AGFG1: variants seen among roughly 807,000 people sequenced by gnomAD.
AGFG1 encodes the protein ArfGAP with FG repeats 1, also known as arf-GAP domain and FG repeat-containing protein 1.
A neutral mutation model predicts 60.6 loss-of-function variants in AGFG1; 10 were observed. The ratio of observed to expected loss-of-function variants is 0.16; its 90% CI spans 0.10 to 0.28. The LOEUF (loss-of-function observed/expected upper bound fraction) is 0.28, where lower values mean the gene tolerates loss of function less well. AGFG1 is among the 10% of genes least tolerant of loss of function. The pLI, the probability that AGFG1 is intolerant of heterozygous loss-of-function variation, is 1.00. For missense variants in AGFG1, 537 were observed against 676.5 expected (o/e 0.79, Z 2.29); for synonymous variants, 247 against 242.9 (o/e 1.02, Z -0.16).
intron 10 of AGFG1, among the ~76,000 whole-genome samples, chr2:227,551,575 GTTATT>G (rs1227151957): frequency 6.6e-6 from 1 of 152,046 alleles, no homozygotes; most frequent in Admixed American, 6.5e-5. Flanking sequence ...AATTTTGGCT[GTTATT>G]TTACTGCATA....
intron 2 of AGFG1, among the ~76,000 whole-genome samples, chr2:227,500,754 ATATC>A (rs375928754): frequency 1.8e-4 from 28 of 152,220 alleles, no homozygotes; most frequent in African/African-American, 6.0e-4. Context: ...AAACTGCAAT[ATATC>A]TATCTTTTTT....
intron 2 of AGFG1, among the ~76,000 whole-genome samples, chr2:227,519,440 C>A (rs1355963595): frequency 6.6e-6 from 1 of 152,088 alleles, no homozygotes; most frequent in African/African-American, 2.4e-5. Flanking sequence ...CTCAGATTCT[C>A]ATTTTTTAGC....
At chr2:227,538,117 A>G (rs913782388) in intron 10 of AGFG1, among the ~76,000 whole-genome samples, 3 of 152,184 alleles carry the variant, frequency 2.0e-5, no homozygotes, top group Admixed American at 2.0e-4. Context: ...GGTGTGTGAT[A>G]TGTGCAGTGT....
At chr2:227,490,740 C>T (rs1690787669) in intron 1 of AGFG1, among the ~76,000 whole-genome samples, 1 of 152,100 alleles carries the variant, frequency 6.6e-6, no homozygotes, top group Non-Finnish European at 1.5e-5. Flanking sequence ...GGTGGACCTG[C>T]CCACAAGATA....
chr2:227,472,712 C>T (rs1690132425), intron 1 of AGFG1, 124 bp downstream of exon 1: 2 of 1,109,510 alleles, frequency 1.8e-6, no homozygotes, highest in African/African-American at 1.7e-5. Context: ...TCGGGGGCGG[C>T]CGTTGGGCGC....
chr2:227,553,946 A>G, intron 12 of AGFG1, 151 bp downstream of exon 12: 1 of 589,844 alleles, frequency 1.7e-6, no homozygotes, highest in Non-Finnish European at 2.9e-6. Context: ...CAGAGCCATT[A>G]TGTGTGATCC....
chr2:227,472,246 C>T lies in AGFG1; in HGVS notation c.-176C>T. On this transcript the variant is annotated 5_prime_UTR_variant, in exon 1 of 13. Transcript: ENST00000310078. Reference sequence around the variant, plus strand: ...TGGCCCGTCAGCCCGCGTACCACAGCGCCCGGGCCGCGTCGAGCCCAGTAC... The same window carrying T: ...TGGCCCGTCAGCCCGCGTACCACAGTGCCCGGGCCGCGTCGAGCCCAGTAC... 4.8e-6 allele frequency: 1 copy of T among 209,024 alleles called. No individual in the cohort carries two copies. The highest frequency in any genetic ancestry group is 8.4e-6 in the Non-Finnish European group (1 of 119,758). 12.9% of individuals were successfully genotyped at this position (209,024 alleles called of 1,614,324 possible). A position where few individuals can be genotyped will look rare whatever the true frequency, so the allele number is the denominator to read the frequency against.
At chr2:227,514,667 AG>A (rs1289998332) in intron 2 of AGFG1, among the ~76,000 whole-genome samples, 1 of 152,240 alleles carries the variant, frequency 6.6e-6, no homozygotes, top group Admixed American at 6.5e-5. Context: ...AAACTCATGC[AG>A]TCTGATTCCC....
intron 2 of AGFG1, among the ~76,000 whole-genome samples, chr2:227,506,726 G>T (rs1691325027): frequency 6.7e-6 from 1 of 150,358 alleles, no homozygotes; most frequent in South Asian, 2.1e-4. Flanking sequence ...TGCCACTACT[G>T]GTGGAAATCT....
chr2:227,533,684 A>G lies in AGFG1; in HGVS notation c.950A>G (p.Asn317Ser). The G allele has an allele frequency of 6.2e-7, 1 of 1,613,874 alleles. No homozygotes were observed. The highest frequency in any genetic ancestry group is 8.5e-7 in the Non-Finnish European group (1 of 1,179,842). Reference sequence around the variant, plus strand: ...TCAGCTGTTAGTAAAGTTTCAACGAACAAAGCTGGTTTACAGACTGCAGAC... The same window carrying G: ...TCAGCTGTTAGTAAAGTTTCAACGAGCAAAGCTGGTTTACAGACTGCAGAC... Reference protein sequence around the residue: ...TASAVSKVSTNKAGLQTADKY... With the variant: ...TASAVSKVSTSKAGLQTADKY... The change falls in exon 7 of 13, where the codon AAC becomes AGC. Residue 317 changes from asparagine to serine, a missense_variant. Physicochemically the swap from Asn to Ser is conservative, Grantham distance 46. This residue lies in a region of AGFG1 where 287 missense variants were observed against 343.6 expected (regional missense o/e 0.84). Transcript: ENST00000310078.
chr2:227,481,863 CTTTTT>C (rs769166509), intron 1 of AGFG1, among the ~76,000 whole-genome samples: 4 of 117,586 alleles, frequency 3.4e-5, no homozygotes, highest in African/African-American at 1.3e-4. Flanking sequence ...TTGTCCACTA[CTTTTT>C]TTTTTTTTTT....
intron 1 of AGFG1, among the ~76,000 whole-genome samples, chr2:227,490,277 T>G (rs978574363): frequency 6.6e-6 from 1 of 152,140 alleles, no homozygotes; most frequent in Non-Finnish European, 1.5e-5. Context: ...GACAAATTCT[T>G]TAAAAATATT....
chr2:227,520,843 G>A (rs754416571), intron 3 of AGFG1, among the ~76,000 whole-genome samples: 4 of 152,162 alleles, frequency 2.6e-5, no homozygotes, highest in Non-Finnish European at 4.4e-5. Context: ...GGGGCAGAGA[G>A]TCAAAATAGA....
chr2:227,513,814 A>G (rs1015777302), intron 2 of AGFG1, among the ~76,000 whole-genome samples: 3 of 152,240 alleles, frequency 2.0e-5, no homozygotes, highest in African/African-American at 7.2e-5. Context: ...AATTTTATGA[A>G]TTTATTCTGT....
In AGFG1 at chr2:227,556,808, G is replaced by A. The variant is rs1390992593; in HGVS notation, c.*2313G>A. 1 of 152,152 alleles carries A rather than the reference G, an allele frequency of 6.6e-6. No individual in the cohort carries two copies. Among genetic ancestry groups the A allele is most frequent in the African/African-American group, 2.4e-5 (1 of 41,408 alleles). The allele number at this position is 152,152 out of a possible 1,614,324, so 9.4% of individuals were successfully genotyped here. ...CCAAGCTGGGTATGGTGGTGTGAGAGCCTGTGAGTCCTAGCTACCTGGAGG... is the reference window on the plus strand; with the variant it reads ...CCAAGCTGGGTATGGTGGTGTGAGAACCTGTGAGTCCTAGCTACCTGGAGG... On this transcript the variant is annotated 3_prime_UTR_variant, in exon 13 of 13. Coordinates refer to ENST00000310078, the MANE Select transcript of AGFG1 (RefSeq NM_004504.5).
intron 2 of AGFG1, 43 bp downstream of exon 2, chr2:227,491,683 T>G: frequency 8.1e-7 from 1 of 1,239,264 alleles, no homozygotes; most frequent in Non-Finnish European, 1.1e-6. Flanking sequence ...GACTTTTTTG[T>G]TGGCAGTCAT....
At chr2:227,531,997 A>T in intron 6 of AGFG1, 1 of 583,982 alleles carries the variant, frequency 1.7e-6, no homozygotes, top group Non-Finnish European at 2.9e-6. Flanking sequence ...TCGTAAACTC[A>T]TGGAACCCTT....
Position 227,541,256 on chromosome 2 carries a change from C to T in AGFG1, c.1378+4263C>T, listed in dbSNP as rs551825966. ...GCCATTGCTTTTGGTGTTTTAGTCACGAAGTCCTTGCCCATTCCTGTGTCC... is the reference window on the plus strand; with the variant it reads ...GCCATTGCTTTTGGTGTTTTAGTCATGAAGTCCTTGCCCATTCCTGTGTCC... On this transcript the variant is annotated intron_variant, in intron 10 of 12. Transcript: ENST00000310078. Among the ~76,000 whole-genome samples, 66 of 152,212 alleles carry T rather than the reference C, an allele frequency of 4.3e-4. 1 individual carries two copies. Among genetic ancestry groups the T allele is most frequent in the Non-Finnish European group, 8.2e-4 (56 of 67,996 alleles).
At chr2:227,530,390 G>A (rs974945878) in intron 5 of AGFG1, among the ~76,000 whole-genome samples, 1 of 152,066 alleles carries the variant, frequency 6.6e-6, no homozygotes, top group Non-Finnish European at 1.5e-5. Context: ...AAGTAAAAAT[G>A]GATACAAGTA....
Sources: gnomAD v4.1 joint callset for allele counts (sites outside exome capture counted in the v4.1 genomes callset) on GRCh38, gnomAD v4.1.1 for gene constraint, gnomAD v4.1.1 regional missense constraint, MANE v1.5 for transcripts, NCBI Gene and HGNC (gene_info 2026-07-23, HGNC 2026-07-21) for gene names.